The following KIF5C variants were observed in gnomAD, a reference collection of about 807,000 sequenced individuals.
The protein encoded by KIF5C is kinesin family member 5C.
In KIF5C, 18 loss-of-function variants were observed where a neutral mutation model predicts 125.2. The observed-to-expected ratio is 0.14, with a 90% CI of 0.10 to 0.21. The LOEUF is 0.21. Among genes scored for constraint, KIF5C ranks in the 10% least tolerant of loss-of-function variants. The probability of loss-of-function intolerance (pLI) is 1.00; values close to 1 mark genes in which losing one functional copy is unlikely to be tolerated. For synonymous variants in KIF5C, 405 were observed against 434.0 expected, an observed-to-expected ratio of 0.93 and a Z score of 0.83; for missense variants, 780 against 1,183.8, an observed-to-expected ratio of 0.66 and a Z score of 5.01.
chr2:148,997,450 A>G, intron 18 of KIF5C, 110 bp downstream of exon 18: 1 of 1,548,616 alleles, frequency 6.5e-7, no homozygotes, highest in South Asian at 1.2e-5. Context: ...ATGGCAAGGG[A>G]CAGGGGAGGG....
At chr2:148,966,661 A>G (rs1284864774) in intron 11 of KIF5C, among the ~76,000 whole-genome samples, 7 of 152,130 alleles carry the variant, frequency 4.6e-5, no homozygotes, top group African/African-American at 1.7e-4. Flanking sequence ...GATGCATGCT[A>G]TAGATTGAAT....
chr2:148,945,927 A>C (rs985128766), intron 7 of KIF5C, among the ~76,000 whole-genome samples: 1 of 152,226 alleles, frequency 6.6e-6, no homozygotes, highest in African/African-American at 2.4e-5. Flanking sequence ...TGACAGCTTA[A>C]TGATATTAAG....
chr2:148,892,203 G>A (rs1361336280), intron 1 of KIF5C, among the ~76,000 whole-genome samples: 5 of 152,170 alleles, frequency 3.3e-5, no homozygotes, highest in African/African-American at 1.2e-4. Context: ...GTTCATACCA[G>A]GAATTGAGAA....
At chr2:149,011,810 G>A (rs1207585999) in intron 25 of KIF5C, 127 bp downstream of exon 25, 8 of 1,318,624 alleles carry the variant, frequency 6.1e-6, no homozygotes, top group African/African-American at 1.5e-5. Context: ...ACACCCTGGG[G>A]GTTCCAGGTA....
At chr2:148,942,032 C>T (rs1682421638) in intron 6 of KIF5C, 42 bp downstream of exon 6, 2 of 1,597,834 alleles carry the variant, frequency 1.3e-6, no homozygotes, top group Non-Finnish European at 1.7e-6. Flanking sequence ...AATTTCTCTC[C>T]AGTCTCTGTC....
chr2:148,914,200 C>CGAAA (rs1681453348), intron 1 of KIF5C, among the ~76,000 whole-genome samples: 2 of 152,232 alleles, frequency 1.3e-5, no homozygotes, highest in African/African-American at 4.8e-5. Context: ...AGTTGCCTGA[C>CGAAA]TTTTCCTCCT....
chr2:148,968,742 A>G (rs561210497), intron 11 of KIF5C, among the ~76,000 whole-genome samples: 9 of 151,264 alleles, frequency 5.9e-5, no homozygotes, highest in Non-Finnish European at 1.0e-4. Flanking sequence ...TGCTATTTGC[A>G]TGCAAAATAA....
At chr2:148,885,220 G>A (rs1006223572) in intron 1 of KIF5C, among the ~76,000 whole-genome samples, 31 of 152,050 alleles carry the variant, frequency 2.0e-4, no homozygotes, top group African/African-American at 4.3e-4. Flanking sequence ...TCCTGAGCTC[G>A]AGCAATCCAC....
At chr2:148,889,336 T>C (rs563556817) in intron 1 of KIF5C, among the ~76,000 whole-genome samples, 1 of 152,358 alleles carries the variant, frequency 6.6e-6, no homozygotes, top group South Asian at 2.1e-4. Flanking sequence ...GTAAACTAAT[T>C]GTATAACTAT....
At position 148,876,036 on chromosome 2, in the gene KIF5C, T is replaced by C. The variant is rs573232365; in HGVS notation, c.126+293T>C. Among the ~76,000 whole-genome samples, 71 of 151,912 alleles carry C rather than the reference T, an allele frequency of 4.7e-4. 1 individual carries two copies. The highest frequency in any genetic ancestry group is 2.8e-3 in the East Asian group (14 of 5,080). ...CCGGGTGGGGGCCCGGGTGGGCCCA[T>C]TGTTCCCCACGCTCGCCTCGCCGCG... On this transcript the variant is annotated intron_variant, in intron 1 of 25. Coordinates refer to ENST00000435030, the MANE Select transcript of KIF5C (RefSeq NM_004522.3). The surrounding 1 kb of genome is among the most constrained non-coding windows in gnomAD (Gnocchi z 4.7).
intron 10 of KIF5C, among the ~76,000 whole-genome samples, chr2:148,957,592 T>TAAAAA (rs201033625): frequency 1.4e-5 from 1 of 71,802 alleles, no homozygotes; most frequent in Non-Finnish European, 3.2e-5. Context: ...TTTGTTCTAG[T>TAAAAA]AAAAAAAAAA....
intron 2 of KIF5C, among the ~76,000 whole-genome samples, chr2:148,927,856 T>C (rs1332534210): frequency 2.6e-5 from 4 of 152,104 alleles, no homozygotes; most frequent in Non-Finnish European, 5.9e-5. Flanking sequence ...AAATCTGATA[T>C]GTATGAACAT....
chr2:148,969,717 TG>T (rs778818808), intron 11 of KIF5C, among the ~76,000 whole-genome samples: 1 of 152,162 alleles, frequency 6.6e-6, no homozygotes, highest in South Asian at 2.1e-4. Flanking sequence ...AATCACCATG[TG>T]GGGGCTTCTC....
chr2:148,969,623 CCTT>C (rs753142289), intron 11 of KIF5C, among the ~76,000 whole-genome samples: 48 of 152,242 alleles, frequency 3.2e-4, no homozygotes, highest in Non-Finnish European at 5.0e-4. Flanking sequence ...GTCTTTTTCT[CCTT>C]CTCCCACCAT....
At position 148,951,009 on chromosome 2, in the gene KIF5C, C is replaced by T. The variant is rs182165163; in HGVS notation, c.968+547C>T. 2.2e-4 allele frequency among the ~76,000 whole-genome samples: 34 copies of T among 152,200 alleles called. No individual in the cohort carries two copies. In the East Asian group the frequency reaches 2.3e-3, roughly 10 times the overall value. Reference sequence around the variant, plus strand: ...CAAATGTATGGTGTTTAAAACAAAACGGAACAACCAAACTCATTTCAGATG... The same window carrying T: ...CAAATGTATGGTGTTTAAAACAAAATGGAACAACCAAACTCATTTCAGATG... On this transcript the variant is annotated intron_variant, in intron 10 of 25. Transcript: ENST00000435030.
At chr2:148,934,813 G>A (rs775710929) in intron 3 of KIF5C, among the ~76,000 whole-genome samples, 11 of 150,942 alleles carry the variant, frequency 7.3e-5, no homozygotes, top group Non-Finnish European at 1.3e-4. Flanking sequence ...ACACGCAGAC[G>A]TAGCCCTCAC....
Position 148,892,431 on chromosome 2 carries a change from C to T in KIF5C, c.126+16688C>T, listed in dbSNP as rs537637807. Among the ~76,000 whole-genome samples the T allele has an allele frequency of 2.3e-4, 35 of 152,266 alleles. 1 individual carries two copies. In the South Asian group the frequency reaches 6.4e-3, roughly 28 times the overall value. ...CCATTAGCAACCGATTAGACTGAGA[C>T]GTAAGTTTGGGAACGACTATAGGAG... On this transcript the variant is annotated intron_variant, in intron 1 of 25. Coordinates refer to ENST00000435030, the MANE Select transcript of KIF5C (RefSeq NM_004522.3).
intron 8 of KIF5C, among the ~76,000 whole-genome samples, 187 bp from the exon 9 acceptor site, chr2:148,949,652 G>A (rs553938784): frequency 2.0e-5 from 3 of 152,296 alleles, no homozygotes; most frequent in South Asian, 2.1e-4. Context: ...GGAAAATGAT[G>A]GCAGGAGAGA....
At chr2:148,996,166 G>T (rs971866832) in intron 17 of KIF5C, among the ~76,000 whole-genome samples, 1 of 152,056 alleles carries the variant, frequency 6.6e-6, no homozygotes, top group African/African-American at 2.4e-5. Flanking sequence ...AAAAAAAAGT[G>T]AATGGATGCT....
Sources: allele counts gnomAD v4.1 joint callset (sites outside exome capture counted in the v4.1 genomes callset), GRCh38; gene constraint gnomAD v4.1.1; non-coding constraint Gnocchi (gnomAD v3.1); transcripts MANE v1.5; gene names NCBI Gene and HGNC (gene_info 2026-07-23, HGNC 2026-07-21).